Variants in HHAT observed in about 807,000 individuals in gnomAD.
HHAT encodes the protein protein-cysteine N-palmitoyltransferase HHAT.
HHAT carries 47 observed loss-of-function variants against 70.8 expected under a neutral mutation model. The ratio of observed to expected loss-of-function variants is 0.66; its 90% CI spans 0.53 to 0.85. The LOEUF is 0.85. Ranked by LOEUF, HHAT falls within the 40% of genes least tolerant of loss-of-function variation. The pLI, the probability that HHAT is intolerant of heterozygous loss-of-function variation, is 0.00. For synonymous variants in HHAT, 228 were observed against 247.6 expected, an observed-to-expected ratio of 0.92 and a Z score of 0.74; for missense variants, 609 against 604.8, an observed-to-expected ratio of 1.01 and a Z score of -0.07.
At chr1:210,505,770 T>G (rs1413040671) in intron 8 of HHAT, among the ~76,000 whole-genome samples, 1 of 152,210 alleles carries the variant, frequency 6.6e-6, no homozygotes, top group Non-Finnish European at 1.5e-5. Context: ...GAGGCAAGGA[T>G]TGACAGCTAA....
At chr1:210,612,066 C>T (rs980356640) in intron 10 of HHAT, among the ~76,000 whole-genome samples, 2 of 152,076 alleles carry the variant, frequency 1.3e-5, no homozygotes, top group South Asian at 4.1e-4. Context: ...TGGTTTAATA[C>T]ATGTTGAGTT....
chr1:210,357,366 A>G (rs2087753168), intron 2 of HHAT, among the ~76,000 whole-genome samples: 1 of 152,174 alleles, frequency 6.6e-6, no homozygotes, highest in Non-Finnish European at 1.5e-5. Flanking sequence ...TGCCTTCTCT[A>G]TACACAAAAG....
intron 9 of HHAT, among the ~76,000 whole-genome samples, chr1:210,579,048 C>T (rs143841820): frequency 8.7e-4 from 132 of 152,142 alleles, no homozygotes; most frequent in South Asian, 2.1e-3. Flanking sequence ...TTAGCAGAAA[C>T]GGAAAACCAC....
intron 8 of HHAT, among the ~76,000 whole-genome samples, chr1:210,506,949 TGACTTTGCC>T (rs1205082702): frequency 6.6e-6 from 1 of 152,228 alleles, no homozygotes; most frequent in African/African-American, 2.4e-5. Context: ...AAATTATTGT[TGACTTTGCC>T]ATCCCTTTAG....
intron 7 of HHAT, among the ~76,000 whole-genome samples, chr1:210,455,398 A>G (rs1321575380): frequency 6.6e-6 from 1 of 152,028 alleles, no homozygotes; most frequent in East Asian, 1.9e-4. Context: ...TTGAGGCTGG[A>G]TTTTCTGAGG....
chr1:210,358,363 C>A (rs2087879729), intron 2 of HHAT, among the ~76,000 whole-genome samples: 1 of 152,206 alleles, frequency 6.6e-6, no homozygotes, highest in Admixed American at 6.5e-5. Flanking sequence ...AGTTTTGAAG[C>A]ACATTTATGC....
At chr1:210,413,514 T>C (rs1475332550) in intron 6 of HHAT, among the ~76,000 whole-genome samples, 1 of 152,250 alleles carries the variant, frequency 6.6e-6, no homozygotes, top group Non-Finnish European at 1.5e-5. Flanking sequence ...TCTCCTCTGC[T>C]GTTTTACTAT....
At chr1:210,604,300 A>T (rs1472797343) in intron 10 of HHAT, among the ~76,000 whole-genome samples, 2 of 148,658 alleles carry the variant, frequency 1.3e-5, no homozygotes, top group Non-Finnish European at 3.0e-5. Flanking sequence ...GTTAGCCAGG[A>T]TGGTCTCGAT....
chr1:210,558,229 A>G (rs949344499), intron 9 of HHAT, among the ~76,000 whole-genome samples: 5 of 152,212 alleles, frequency 3.3e-5, no homozygotes, highest in African/African-American at 1.2e-4. Flanking sequence ...AGCCAAGTGA[A>G]TAGAAAACGT....
chr1:210,601,339 G>T (rs1324384513), intron 10 of HHAT, among the ~76,000 whole-genome samples: 1 of 152,096 alleles, frequency 6.6e-6, no homozygotes, highest in African/African-American at 2.4e-5. Context: ...CTTTTCGTTA[G>T]GGGTCAGTAG....
At chr1:210,400,301 G>A (rs952015711) in intron 4 of HHAT, among the ~76,000 whole-genome samples, 167 bp from the exon 5 acceptor site, 1 of 152,108 alleles carries the variant, frequency 6.6e-6, no homozygotes, top group African/African-American at 2.4e-5. Context: ...TGTCTGTGTT[G>A]TACCAAAATT....
At chr1:210,543,443 G>T (rs1271128539) in intron 9 of HHAT, among the ~76,000 whole-genome samples, 1 of 151,512 alleles carries the variant, frequency 6.6e-6, no homozygotes, top group African/African-American at 2.4e-5. Flanking sequence ...GGCTGAGCTT[G>T]GTGACTTGCA....
At chr1:210,546,700 G>T (rs1159732503) in intron 9 of HHAT, among the ~76,000 whole-genome samples, 3 of 152,172 alleles carry the variant, frequency 2.0e-5, no homozygotes, top group Non-Finnish European at 4.4e-5. Context: ...ATGGCAGCTG[G>T]TGGTGGTGAG....
chr1:210,627,477 T>C (rs987971777), intron 11 of HHAT, among the ~76,000 whole-genome samples: 5 of 152,132 alleles, frequency 3.3e-5, no homozygotes, highest in Non-Finnish European at 7.4e-5. Context: ...AAAATGTCTG[T>C]CCTGGTCTCT....
At chr1:210,432,565 G>A (rs573526860) in intron 7 of HHAT, among the ~76,000 whole-genome samples, 3 of 152,054 alleles carry the variant, frequency 2.0e-5, no homozygotes, top group East Asian at 1.9e-4. Context: ...AAAAATAGAG[G>A]CAGAAGCTAA....
At chr1:210,510,922 T>A (rs2094942392) in intron 8 of HHAT, among the ~76,000 whole-genome samples, 1 of 152,210 alleles carries the variant, frequency 6.6e-6, no homozygotes, top group Non-Finnish European at 1.5e-5. Context: ...TCTGTTGGTC[T>A]CTGTCGCTAA....
chr1:210,454,500 G>A (rs1440581136), intron 7 of HHAT, among the ~76,000 whole-genome samples: 1 of 152,156 alleles, frequency 6.6e-6, no homozygotes, highest in Non-Finnish European at 1.5e-5. Flanking sequence ...CTTGCAGTAA[G>A]CCGAGATCGT....
Position 210,359,853 on chromosome 1 carries a change from C to A in HHAT, c.92-2999C>A, listed in dbSNP as rs991629714. Among the ~76,000 whole-genome samples, 3 of 150,966 alleles carry A rather than the reference C, an allele frequency of 2.0e-5. No homozygotes were observed. The East Asian group carries it at 5.9e-4, about 30-fold the overall frequency. On this transcript the variant is annotated intron_variant, in intron 2 of 11. Transcript: ENST00000261458. ...CTGTACTCCAACCTAGGCGACAGAGCGAGACTTCTGGGAAAAAACAAAAAA... is the reference window on the plus strand; with the variant it reads ...CTGTACTCCAACCTAGGCGACAGAGAGAGACTTCTGGGAAAAAACAAAAAA...
At chr1:210,437,421 C>G (rs907238916) in intron 7 of HHAT, among the ~76,000 whole-genome samples, 1 of 151,844 alleles carries the variant, frequency 6.6e-6, no homozygotes, top group Non-Finnish European at 1.5e-5. Flanking sequence ...TAAGGGACGA[C>G]TCTCTGGCCC....
Sources: gnomAD v4.1 joint callset for allele counts (sites outside exome capture counted in the v4.1 genomes callset) on GRCh38, gnomAD v4.1.1 for gene constraint, MANE v1.5 for transcripts, NCBI Gene and HGNC (gene_info 2026-07-23, HGNC 2026-07-21) for gene names.